MVP: variants seen among roughly 807,000 people sequenced by gnomAD.
MVP encodes lung resistance-related protein.
Under a neutral mutation model 83.5 loss-of-function variants are expected in MVP, and 62 were observed. The ratio of observed to expected loss-of-function variants is 0.74; its 90% CI spans 0.61 to 0.92. MVP has a LOEUF of 0.92. MVP is among the 40% of genes least tolerant of loss of function. The pLI, the probability that MVP is intolerant of heterozygous loss-of-function variation, is 0.00. For synonymous variants in MVP, 505 were observed against 504.1 expected (o/e 1.00, Z -0.02); for missense variants, 1,000 against 1,203.4 (o/e 0.83, Z 2.50).
rs980857738 is a variant in MVP at position 29,841,517 on chromosome 16, G to A, written c.1192-79G>A. On this transcript the variant is annotated intron_variant, in intron 8 of 14. Transcript: ENST00000357402. The surrounding 1 kb of genome is among the most constrained non-coding windows in gnomAD (Gnocchi z 4.7). ...CTCGTGGCGCGCCTTCCCTGGATGGGCTCTGCTTTGGGACAGCTGGGCGGA... is the reference window on the plus strand; with the variant it reads ...CTCGTGGCGCGCCTTCCCTGGATGGACTCTGCTTTGGGACAGCTGGGCGGA... 31 of 1,498,710 alleles carry A rather than the reference G, an allele frequency of 2.1e-5. No individual in the cohort carries two copies. Among genetic ancestry groups the A allele is most frequent in the Admixed American group, 4.6e-5 (2 of 43,488 alleles). The allele number at this position is 1,498,710 out of a possible 1,614,324, so 92.8% of individuals were successfully genotyped here.
intron 1 of MVP, 56 bp from the exon 2 acceptor site, chr16:29,830,459 C>T: frequency 6.7e-7 from 1 of 1,483,430 alleles, no homozygotes; most frequent in Non-Finnish European, 9.2e-7. Context: ...CAGATTCATG[C>T]CTGCCCCACC....
At chr16:29,826,913 G>A (rs1218197632) in intron 1 of MVP, among the ~76,000 whole-genome samples, 2 of 146,322 alleles carry the variant, frequency 1.4e-5, no homozygotes, top group South Asian at 2.1e-4. Flanking sequence ...GCGACAGAGT[G>A]AGAGTCCATC....
intron 10 of MVP, among the ~76,000 whole-genome samples, chr16:29,843,578 G>A (rs900750797): frequency 1.2e-4 from 10 of 83,604 alleles, no homozygotes; most frequent in East Asian, 4.1e-4. Context: ...GGGAGGGAGG[G>A]AGGAAGGGAG....
At chr16:29,831,785 G>C (rs760519287) in intron 3 of MVP, 1 of 452,128 alleles carries the variant, frequency 2.2e-6, no homozygotes, top group Non-Finnish European at 4.4e-6. Context: ...GGCTGTGCCT[G>C]TTCTAGGAGA....
intron 1 of MVP, among the ~76,000 whole-genome samples, chr16:29,826,565 T>C (rs1192760946): frequency 6.9e-6 from 1 of 145,418 alleles, no homozygotes; most frequent in African/African-American, 2.6e-5. Context: ...AGTTCAAGGC[T>C]ACAGTGAGCT....
chr16:29,831,497 G>T (rs2067442040), intron 3 of MVP: 1 of 428,652 alleles, frequency 2.3e-6, no homozygotes. Flanking sequence ...CAGTGGGAGG[G>T]GTGGGGAGAG....
In MVP at chr16:29,831,037, C is replaced by CT. The variant is rs765890636; in HGVS notation, c.285_286insT (p.Pro96SerfsTer33). On this transcript the variant is annotated frameshift_variant, in exon 3 of 15. Transcript: ENST00000357402. LOFTEE classifies it high-confidence loss of function. Reference sequence around the variant, plus strand: ...ACCTCGAGATCCGGCTGGCCCAGGACCCCTTCCCCCTGTACCCAGGGGAGG... The same window carrying CT: ...ACCTCGAGATCCGGCTGGCCCAGGACTCCCTTCCCCCTGTACCCAGGGGAGG... 6.2e-7 allele frequency: 1 copy of CT among 1,613,466 alleles called. No homozygotes were observed. The highest frequency in any genetic ancestry group is 2.2e-5 in the East Asian group (1 of 44,874).
intron 1 of MVP, among the ~76,000 whole-genome samples, chr16:29,827,402 G>A (rs866140280): frequency 6.6e-6 from 1 of 152,168 alleles, no homozygotes; most frequent in Admixed American, 6.6e-5. Context: ...GCCGATCAGA[G>A]TTGTAAGCCC....
intron 7 of MVP, 76 bp downstream of exon 7, chr16:29,837,034 C>T: frequency 7.3e-7 from 1 of 1,364,170 alleles, no homozygotes; most frequent in Non-Finnish European, 1.0e-6. Flanking sequence ...CCTCTGCCTT[C>T]TCTCCTCCAG....
Position 29,847,812 on chromosome 16 carries a change from C to T in MVP, c.2505C>T (p.Gly835=). ...LGLKSTLITD[G]STPINLFNTA... Reference sequence around the variant, plus strand: ...TGAAATCAACCCTCATCACCGATGGCTCCACTCCCATCAACCTCTTCAACA... The same window carrying T: ...TGAAATCAACCCTCATCACCGATGGTTCCACTCCCATCAACCTCTTCAACA... The change falls in exon 15 of 15, where the codon GGC becomes GGT. Residue 835 remains glycine (G), a synonymous_variant. Transcript: ENST00000357402. 1.2e-6 allele frequency: 2 copies of T among 1,614,234 alleles called. No homozygotes were observed. Among genetic ancestry groups the T allele is most frequent in the Non-Finnish European group, 1.7e-6 (2 of 1,180,040 alleles).
intron 1 of MVP, chr16:29,829,971 C>T (rs955716470): frequency 1.9e-5 from 3 of 154,108 alleles, no homozygotes; most frequent in African/African-American, 7.2e-5. Context: ...CACTGGACTA[C>T]CTGAGGCATA....
chr16:29,843,071 A>G (rs2067547901), intron 10 of MVP, among the ~76,000 whole-genome samples: 1 of 152,248 alleles, frequency 6.6e-6, no homozygotes, highest in Admixed American at 6.5e-5. Flanking sequence ...CATCTGTAAC[A>G]TGAGGAAGAC....
intron 1 of MVP, among the ~76,000 whole-genome samples, chr16:29,825,671 T>C (rs1157701383): frequency 1.3e-5 from 2 of 152,202 alleles, no homozygotes; most frequent in Non-Finnish European, 2.9e-5. Context: ...GCCATGAGGA[T>C]GACTCTTGCT....
rs374182340 is a variant in MVP, at chr16:29,830,897, C to A, written c.145C>A (p.Arg49Ser). 1.3e-5 allele frequency: 21 copies of A among 1,612,762 alleles called. No individual in the cohort carries two copies. The highest frequency in any genetic ancestry group is 1.5e-5 in the Non-Finnish European group (18 of 1,179,102). Residue 49 changes from arginine to serine, a missense_variant, in exon 3 of 15, where the codon CGC becomes AGC. Coordinates refer to ENST00000357402, the MANE Select transcript of MVP (RefSeq NM_005115.5). Reference sequence around the variant, plus strand: ...CTGCAGGGTACTGTTTGCCCCCATGCGCATGGTGACCGTCCCCCCACGTCA... The same window carrying A: ...CTGCAGGGTACTGTTTGCCCCCATGAGCATGGTGACCGTCCCCCCACGTCA... ...DNERVLFAPM[R>S]MVTVPPRHYC...
chr16:29,844,910 A>AT, intron 11 of MVP, 31 bp downstream of exon 11: 1 of 1,578,140 alleles, frequency 6.3e-7, no homozygotes, highest in Non-Finnish European at 8.6e-7. Flanking sequence ...GGCTGCCTAT[A>AT]ATGCCCATGG....
intron 1 of MVP, among the ~76,000 whole-genome samples, chr16:29,823,821 G>A (rs2150749710): frequency 6.7e-6 from 1 of 149,728 alleles, no homozygotes; most frequent in Middle Eastern, 3.4e-3. Context: ...CAGCCTGGGT[G>A]ACAGAGCGAG....
chr16:29,847,461 A>G, intron 14 of MVP, 76 bp downstream of exon 14: 1 of 1,391,460 alleles, frequency 7.2e-7, no homozygotes, highest in East Asian at 2.4e-5. Context: ...CGGAAAACAC[A>G]ACATCTGGAA....
chr16:29,844,862 C>T lies in MVP; in HGVS notation c.2004C>T (p.Ser668=). The change falls in exon 11 of 15, where the codon TCC becomes TCT. Residue 668 remains serine (S), a synonymous_variant. Transcript: ENST00000357402. ...TGGCCATCGAGATCACCACCAACTCCCAGGAAGCGGCGGCCAAGTAAGTGA... is the reference window on the plus strand; with the variant it reads ...TGGCCATCGAGATCACCACCAACTCTCAGGAAGCGGCGGCCAAGTAAGTGA... ...VQLAIEITTN[S]QEAAAKHEAQ... is the part of the protein sequence containing the mutation. 1 of 1,601,304 alleles carries T rather than the reference C, an allele frequency of 6.2e-7. No individual in the cohort carries two copies. The highest frequency in any genetic ancestry group is 8.5e-7 in the Non-Finnish European group (1 of 1,178,196).
At chr16:29,835,525 G>T (rs971304334) in intron 5 of MVP, 179 bp from the exon 6 acceptor site, 1 of 442,130 alleles carries the variant, frequency 2.3e-6, no homozygotes, top group East Asian at 3.5e-5. Context: ...TTCAACTGGG[G>T]TGGGGGTTTG....
Sources: allele counts gnomAD v4.1 joint callset (sites outside exome capture counted in the v4.1 genomes callset), GRCh38; gene constraint gnomAD v4.1.1; non-coding constraint Gnocchi (gnomAD v3.1); transcripts MANE v1.5; gene names NCBI Gene and HGNC (gene_info 2026-07-23, HGNC 2026-07-21).